GPR63: variants seen among roughly 807,000 people sequenced by gnomAD.
GPR63 encodes probable G protein-coupled receptor 63.
In GPR63, 12 loss-of-function variants were observed where a neutral mutation model predicts 23.1. That is an observed-to-expected ratio of 0.52 (90% CI 0.33 to 0.84). The LOEUF (loss-of-function observed/expected upper bound fraction) is 0.84. GPR63 is among the 40% of genes least tolerant of loss of function. The pLI is 0.02. For missense variants in GPR63, 472 were observed against 515.6 expected (o/e 0.92, Z 0.82); for synonymous variants, 172 against 191.1 (o/e 0.90, Z 0.82).
At chr6:96,823,889 C>T (rs541245104) in intron 1 of GPR63, among the ~76,000 whole-genome samples, 24 of 152,242 alleles carry the variant, frequency 1.6e-4, no homozygotes, top group African/African-American at 5.1e-4. Context: ...CAATAGCCTA[C>T]ACCATAATAT....
At chr6:96,815,544 T>C (rs1395023767) in intron 1 of GPR63, among the ~76,000 whole-genome samples, 2 of 152,192 alleles carry the variant, frequency 1.3e-5, no homozygotes, top group Non-Finnish European at 2.9e-5. Context: ...TGTACTTTAA[T>C]ATACATTAAG....
intron 1 of GPR63, among the ~76,000 whole-genome samples, chr6:96,835,464 A>G (rs991955527): frequency 6.6e-6 from 1 of 152,132 alleles, no homozygotes; most frequent in African/African-American, 2.4e-5. Context: ...TCACAAAACA[A>G]TCAACCCAAA....
At chr6:96,820,836 A>G (rs1351433074) in intron 1 of GPR63, among the ~76,000 whole-genome samples, 1 of 152,172 alleles carries the variant, frequency 6.6e-6, no homozygotes, top group East Asian at 1.9e-4. Context: ...CAAATTTCCA[A>G]GGACTTAGAA....
At chr6:96,809,942 T>C (rs1441031129) in intron 1 of GPR63, among the ~76,000 whole-genome samples, 1 of 152,202 alleles carries the variant, frequency 6.6e-6, no homozygotes, top group South Asian at 2.1e-4. Context: ...AATTATAACA[T>C]ATTATAACCA....
intron 1 of GPR63, among the ~76,000 whole-genome samples, chr6:96,824,236 T>A (rs1774381375): frequency 6.6e-6 from 1 of 151,940 alleles, no homozygotes; most frequent in Admixed American, 6.6e-5. Flanking sequence ...TTCACTATAA[T>A]AGATAAATTT....
At chr6:96,825,530 T>C (rs1271480383) in intron 1 of GPR63, among the ~76,000 whole-genome samples, 1 of 152,090 alleles carries the variant, frequency 6.6e-6, no homozygotes, top group African/African-American at 2.4e-5. Flanking sequence ...TCAGGAACTT[T>C]ATTCCAACCT....
In GPR63 at chr6:96,795,444, T is replaced by C. The variant is rs1562109086; in HGVS notation, c.*3028A>G. On this transcript the variant is annotated 3_prime_UTR_variant, in exon 2 of 2. Transcript: ENST00000229955. ...TCTCAAAGGTGCTCCATAGTACTTA[T>C]TTTTAAAGCTTTCACAATGTATACA... is the stretch of plus-strand genomic sequence containing the variant. 1.3e-5 allele frequency: 2 copies of C among 152,210 alleles called. No individual in the cohort carries two copies. Among genetic ancestry groups the C allele is most frequent in the South Asian group, 2.1e-4 (1 of 4,832 alleles). The allele number at this position is 152,210 out of a possible 1,614,324, so 9.4% of individuals were successfully genotyped here.
chr6:96,798,615 A>T lies in GPR63; in HGVS notation c.1117T>A (p.Trp373Arg), dbSNP rs1488465834. ...GCATCATGGAATTTCTTAATCCTCCAGTAGTAGATCAGCGGATTCAATGCA... is the reference window on the plus strand; with the variant it reads ...GCATCATGGAATTTCTTAATCCTCCTGTAGTAGATCAGCGGATTCAATGCA... ...KSALNPLIYY[W>R]RIKKFHDACL... The change falls in exon 2 of 2, where the codon TGG becomes AGG. Residue 373 changes from tryptophan to arginine, a missense_variant. Coordinates refer to ENST00000229955, the MANE Select transcript of GPR63 (RefSeq NM_030784.4). 1 of 1,614,232 alleles carries T rather than the reference A, an allele frequency of 6.2e-7. No individual in the cohort carries two copies. The highest frequency in any genetic ancestry group is 1.1e-5 in the South Asian group (1 of 91,084).
chr6:96,837,422 A>AGGT lies in GPR63; in HGVS notation c.-308_-306dup, dbSNP rs1186770645. The AGGT allele has an allele frequency of 1.1e-4, 17 of 153,964 alleles. No homozygotes were observed. Among genetic ancestry groups the AGGT allele is most frequent in the South Asian group, 3.6e-4 (2 of 5,482 alleles). The allele number at this position is 153,964 out of a possible 1,614,324, so 9.5% of individuals were successfully genotyped here. A position where few individuals can be genotyped will look rare whatever the true frequency, so the allele number is the denominator to read the frequency against. On this transcript the variant is annotated 5_prime_UTR_variant, in exon 1 of 2. Transcript: ENST00000229955. Reference sequence around the variant, plus strand: ...AGGAGGAAGGAGGACAACGAAGAGGAGGTGGTGGCGGCGGCGGCGATACAG... The same window carrying AGGT: ...AGGAGGAAGGAGGACAACGAAGAGGAGGTGGTGGTGGCGGCGGCGGCGATACAG...
At position 96,796,047 on chromosome 6, in the gene GPR63, T is replaced by C. The variant is rs970665928; in HGVS notation, c.*2425A>G. The stretch of plus-strand genomic sequence containing the variant: ...TTGAGTCCCCAAAGAGCTCTTTAAC[T>C]GGACAATGAGTTCCAACATCGGTGC... On this transcript the variant is annotated 3_prime_UTR_variant, in exon 2 of 2. Coordinates refer to ENST00000229955, the MANE Select transcript of GPR63 (RefSeq NM_030784.4). 24 of 152,214 alleles carry C rather than the reference T, an allele frequency of 1.6e-4. No individual in the cohort carries two copies. The highest frequency in any genetic ancestry group is 5.8e-4 in the African/African-American group (24 of 41,450). The allele number at this position is 152,214 out of a possible 1,614,324, so 9.4% of individuals were successfully genotyped here.
chr6:96,813,874 G>T (rs1253820002), intron 1 of GPR63, among the ~76,000 whole-genome samples: 1 of 152,094 alleles, frequency 6.6e-6, no homozygotes, highest in African/African-American at 2.4e-5. Context: ...ATTAACATAA[G>T]GGTGAGCCAT....
chr6:96,806,874 G>A (rs914410550), intron 1 of GPR63, among the ~76,000 whole-genome samples: 1 of 152,038 alleles, frequency 6.6e-6, no homozygotes, highest in Non-Finnish European at 1.5e-5. Context: ...GTTAACTAAA[G>A]AAGAAAAAAA....
chr6:96,821,400 G>C (rs116296334), intron 1 of GPR63, among the ~76,000 whole-genome samples: 1 of 152,122 alleles, frequency 6.6e-6, no homozygotes, highest in Non-Finnish European at 1.5e-5. Context: ...TCTGCGCTGT[G>C]ATTTTGATCA....
At position 96,812,352 on chromosome 6, in the gene GPR63, T is replaced by G. The variant is rs112936904; in HGVS notation, c.-150-12471A>C. Among the ~76,000 whole-genome samples, 1,398 of 152,284 alleles carry G rather than the reference T, an allele frequency of 9.2e-3. 12 individuals are homozygous for G. Among genetic ancestry groups the G allele is most frequent in the Non-Finnish European group, 0.012 (828 of 67,992 alleles). On this transcript the variant is annotated intron_variant, in intron 1 of 1. Transcript: ENST00000229955. The stretch of plus-strand genomic sequence containing the variant: ...TCTCACTAATGTTCAAAGGAACACT[T>G]AGTTTTTCCATAGACATTTAAAAAA...
intron 1 of GPR63, among the ~76,000 whole-genome samples, chr6:96,800,587 TACTC>T (rs1773738009): frequency 1.3e-5 from 2 of 152,306 alleles, no homozygotes; most frequent in South Asian, 2.1e-4. Context: ...CTGGAGAACT[TACTC>T]AAGAGGAGAA....
rs374442152 is a variant in GPR63, at chr6:96,799,432, C to T, written c.300G>A (p.Leu100=). ...TTTGGTAAACCATGAGGCAAACAAC[C>T]AAGTTCCCAAGAAAAGACACAAACA... is the stretch of plus-strand genomic sequence containing the variant. ...FILFVSFLGN[L]VVCLMVYQKA... Residue 100 remains leucine (L), a synonymous_variant, in exon 2 of 2, where the codon TTG becomes TTA. Transcript: ENST00000229955. 5.0e-6 allele frequency: 8 copies of T among 1,614,060 alleles called. No individual in the cohort carries two copies. In the South Asian group the frequency reaches 6.6e-5, roughly 13 times the overall value.
intron 1 of GPR63, among the ~76,000 whole-genome samples, chr6:96,824,191 G>A (rs935729938): frequency 6.6e-5 from 10 of 151,930 alleles, no homozygotes; most frequent in Non-Finnish European, 1.0e-4. Flanking sequence ...AATAAGAGCA[G>A]AAAGAAAATA....
In GPR63 at chr6:96,799,629, A is replaced by C. The variant is rs753043143; in HGVS notation, c.103T>G (p.Phe35Val). 4.3e-6 allele frequency: 7 copies of C among 1,614,184 alleles called. No individual in the cohort carries two copies. Among genetic ancestry groups the C allele is most frequent in the Non-Finnish European group, 5.9e-6 (7 of 1,180,026 alleles). Residue 35 changes from phenylalanine (F) to valine (V), a missense_variant, in exon 2 of 2, where the codon TTC becomes GTC. Phe to Val is a conservative substitution (Grantham distance 50, BLOSUM62 -1). Coordinates refer to ENST00000229955, the MANE Select transcript of GPR63 (RefSeq NM_030784.4). ...AATGGACTGAGGTCAGGATGCTGGA[A>C]TGGTGGAGGGAGTGTAATATTCATG... ...TYMNITLPPP[F>V]QHPDLSPLLR...
chr6:96,831,679 G>A (rs1189453820), intron 1 of GPR63, among the ~76,000 whole-genome samples: 1 of 152,004 alleles, frequency 6.6e-6, no homozygotes, highest in Non-Finnish European at 1.5e-5. Context: ...CGCTGAGGTA[G>A]GCAGATCACT....
Sources: gnomAD v4.1 joint callset for allele counts (sites outside exome capture counted in the v4.1 genomes callset) on GRCh38, gnomAD v4.1.1 for gene constraint, MANE v1.5 for transcripts, NCBI Gene and HGNC (gene_info 2026-07-23, HGNC 2026-07-21) for gene names.